Variants in SP3 observed in about 807,000 individuals in gnomAD.
SP3 encodes the protein transcription factor Sp3.
In SP3, 10 loss-of-function variants were observed where a neutral mutation model predicts 70.3. The observed-to-expected ratio is 0.14, with a 90% CI of 0.09 to 0.24. The LOEUF is 0.24. Ranked by LOEUF, SP3 falls within the 10% of genes least tolerant of loss-of-function variation. SP3 has a pLI of 1.00. For missense variants in SP3, 825 were observed against 914.6 expected (o/e 0.90, Z 1.26); for synonymous variants, 402 against 333.5 (o/e 1.21, Z -2.24).
chr2:173,932,594 T>A (rs1038544698), intron 4 of SP3, among the ~76,000 whole-genome samples: 5 of 152,300 alleles, frequency 3.3e-5, no homozygotes, highest in Non-Finnish European at 7.4e-5. Context: ...ACAACCTTTA[T>A]ATCAATTAAG....
chr2:173,930,968 C>T (rs1220790587), intron 4 of SP3, among the ~76,000 whole-genome samples: 2 of 152,138 alleles, frequency 1.3e-5, no homozygotes, highest in Non-Finnish European at 2.9e-5. Context: ...AGAAACACTA[C>T]AAATTTGATT....
chr2:173,946,708 A>G (rs1411557119), intron 4 of SP3, among the ~76,000 whole-genome samples: 2 of 151,144 alleles, frequency 1.3e-5, no homozygotes, highest in African/African-American at 4.9e-5. Flanking sequence ...TGTGGCTAAA[A>G]AGAAAGATCT....
At chr2:173,938,200 T>C (rs1690262054) in intron 4 of SP3, among the ~76,000 whole-genome samples, 1 of 152,160 alleles carries the variant, frequency 6.6e-6, no homozygotes, top group African/African-American at 2.4e-5. Context: ...AACAAAGTTA[T>C]AATCCCAGCA....
intron 4 of SP3, among the ~76,000 whole-genome samples, chr2:173,946,110 G>A (rs1218248744): frequency 6.6e-6 from 1 of 152,100 alleles, no homozygotes; most frequent in South Asian, 2.1e-4. Context: ...CTGGGTGACA[G>A]AGCAAGATAC....
chr2:173,957,206 T>C (rs1460136051), intron 3 of SP3, among the ~76,000 whole-genome samples: 1 of 152,178 alleles, frequency 6.6e-6, no homozygotes, highest in East Asian at 1.9e-4. Context: ...GTTAAATGAC[T>C]GAATTCAAAC....
intron 5 of SP3, chr2:173,915,488 T>G (rs909689668): frequency 1.3e-5 from 2 of 152,172 alleles, no homozygotes; most frequent in African/African-American, 4.8e-5. Flanking sequence ...TAGGAAAAAC[T>G]AATAATTTTA....
intron 4 of SP3, 41 bp from the exon 5 acceptor site, chr2:173,918,826 A>C: frequency 6.5e-7 from 1 of 1,535,658 alleles, no homozygotes; most frequent in African/African-American, 1.4e-5. Context: ...AGAAGCAACC[A>C]AATGGCCCAA....
intron 4 of SP3, among the ~76,000 whole-genome samples, chr2:173,935,274 CAG>C (rs1690176940): frequency 6.6e-6 from 1 of 152,132 alleles, no homozygotes; most frequent in South Asian, 2.1e-4. Flanking sequence ...TATTAATGAT[CAG>C]TCCAGGTTAA....
chr2:173,927,568 C>A lies in SP3; in HGVS notation c.1640-8783G>T, dbSNP rs534784197. ...GCTGGGATTACAGGAATGAGCCACC[C>A]CACCCGACCTATATCATTCTTATAA... On this transcript the variant is annotated intron_variant, in intron 4 of 6. Transcript: ENST00000310015. Among the ~76,000 whole-genome samples the A allele has an allele frequency of 6.6e-5, 10 of 152,070 alleles. No homozygotes were observed. The South Asian group carries it at 2.1e-3, about 32-fold the overall frequency.
At chr2:173,946,113 C>T (rs187929020) in intron 4 of SP3, among the ~76,000 whole-genome samples, 3 of 151,888 alleles carry the variant, frequency 2.0e-5, no homozygotes, top group Admixed American at 2.0e-4. Context: ...GGTGACAGAG[C>T]AAGATACGGT....
At chr2:173,930,204 T>A (rs1021858889) in intron 4 of SP3, among the ~76,000 whole-genome samples, 1 of 152,204 alleles carries the variant, frequency 6.6e-6, no homozygotes, top group African/African-American at 2.4e-5. Flanking sequence ...TAACCCTGAC[T>A]GGATCCTACC....
At chr2:173,939,946 C>T (rs1380150280) in intron 4 of SP3, among the ~76,000 whole-genome samples, 2 of 152,070 alleles carry the variant, frequency 1.3e-5, no homozygotes, top group African/African-American at 4.8e-5. Context: ...AATCATAACT[C>T]ACTGTAGGCT....
At chr2:173,941,049 G>A (rs1314611092) in intron 4 of SP3, among the ~76,000 whole-genome samples, 13 of 148,184 alleles carry the variant, frequency 8.8e-5, no homozygotes, top group South Asian at 2.1e-4. Flanking sequence ...AATTTGTGGC[G>A]AGATTCTTAG....
At chr2:173,959,922 TAACA>T (rs1266535491) in intron 3 of SP3, among the ~76,000 whole-genome samples, 2 of 152,092 alleles carry the variant, frequency 1.3e-5, no homozygotes, top group South Asian at 2.1e-4. Flanking sequence ...ACCGGACAAT[TAACA>T]AACAAAACCT....
chr2:173,953,065 T>C (rs534329557), intron 4 of SP3, among the ~76,000 whole-genome samples: 42 of 152,366 alleles, frequency 2.8e-4, no homozygotes, highest in African/African-American at 9.4e-4. Context: ...AATAAAGCTA[T>C]TATTTTTTAA....
At chr2:173,929,668 A>C (rs1394759647) in intron 4 of SP3, among the ~76,000 whole-genome samples, 3 of 152,184 alleles carry the variant, frequency 2.0e-5, no homozygotes, top group Admixed American at 6.5e-5. Flanking sequence ...AGGAGTTTCT[A>C]AGTCTGCTGT....
At chr2:173,919,597 T>A (rs953795786) in intron 4 of SP3, among the ~76,000 whole-genome samples, 2 of 151,968 alleles carry the variant, frequency 1.3e-5, no homozygotes, top group South Asian at 2.2e-4. Context: ...CCCATAAAAG[T>A]AAGAAAAGGT....
intron 4 of SP3, among the ~76,000 whole-genome samples, chr2:173,942,418 T>A (rs1206612245): frequency 6.6e-6 from 1 of 151,994 alleles, no homozygotes; most frequent in East Asian, 1.9e-4. Context: ...ATACAAAAAT[T>A]AGCCGAGCGT....
chr2:173,947,443 A>T (rs991556188), intron 4 of SP3, among the ~76,000 whole-genome samples: 2 of 151,298 alleles, frequency 1.3e-5, no homozygotes, highest in Admixed American at 6.6e-5. Context: ...CTACCAGTTT[A>T]AAAAAAAAGA....
Sources: gnomAD v4.1 joint callset for allele counts (sites outside exome capture counted in the v4.1 genomes callset) on GRCh38, gnomAD v4.1.1 for gene constraint, MANE v1.5 for transcripts, NCBI Gene and HGNC (gene_info 2026-07-23, HGNC 2026-07-21) for gene names.